PRELID2: variants seen among roughly 807,000 people sequenced by gnomAD.
The protein encoded by PRELID2 is PRELI domain-containing protein 2.
A neutral mutation model predicts 28.4 loss-of-function variants in PRELID2; 25 were observed. The observed-to-expected ratio is 0.88, with a 90% CI of 0.64 to 1.23. The LOEUF is 1.23. Ranked by LOEUF, PRELID2 falls within the 50% of genes most tolerant of loss-of-function variation. The probability of loss-of-function intolerance (pLI) is 0.00; values close to 1 mark genes in which losing one functional copy is unlikely to be tolerated. For synonymous variants in PRELID2, 76 were observed against 71.6 expected, an observed-to-expected ratio of 1.06 and a Z score of -0.31; for missense variants, 201 against 214.4, an observed-to-expected ratio of 0.94 and a Z score of 0.39.
At chr5:145,809,568 T>C (rs1292972905) in intron 4 of PRELID2, among the ~76,000 whole-genome samples, 1 of 152,238 alleles carries the variant, frequency 6.6e-6, no homozygotes, top group Non-Finnish European at 1.5e-5. Flanking sequence ...ATTACAGGCA[T>C]GAGCCACTGT....
chr5:145,616,343 T>C (rs1360328152), intron 1 of PRELID2, among the ~76,000 whole-genome samples: 1 of 152,200 alleles, frequency 6.6e-6, no homozygotes, highest in Non-Finnish European at 1.5e-5. Context: ...TTTTCCGAAC[T>C]TTTAGATTGC....
chr5:145,405,286 T>G, the PRELID2 span, among the ~76,000 whole-genome samples: 2 of 152,104 alleles, frequency 1.3e-5, no homozygotes, highest in African/African-American at 4.8e-5. Flanking sequence ...AACAGCACTG[T>G]TTTTTCACAC....
At chr5:145,443,020 G>A in the PRELID2 span, among the ~76,000 whole-genome samples, 36,065 of 151,782 alleles carry the variant, frequency 0.24, 4,399 homozygotes, top group South Asian at 0.36. Flanking sequence ...CCGTTTATAG[G>A]CTCTCCACAA....
chr5:145,781,658 C>T (rs1027823255), intron 5 of PRELID2, among the ~76,000 whole-genome samples: 13 of 140,832 alleles, frequency 9.2e-5, no homozygotes, highest in Non-Finnish European at 1.4e-4. Flanking sequence ...ACTATATATA[C>T]ACACTATATA....
At chr5:145,639,032 T>A (rs1402457140) in intron 1 of PRELID2, among the ~76,000 whole-genome samples, 2 of 152,220 alleles carry the variant, frequency 1.3e-5, no homozygotes, top group Non-Finnish European at 2.9e-5. Context: ...TAAGAGTATA[T>A]TCTTCAAGAT....
chr5:145,679,188 A>C (rs1431082055), intron 1 of PRELID2, among the ~76,000 whole-genome samples: 1 of 151,860 alleles, frequency 6.6e-6, no homozygotes, highest in Admixed American at 6.6e-5. Context: ...TTTGGTTCCC[A>C]GAACCATAAT....
chr5:145,558,789 T>G (rs1207430887), intron 1 of PRELID2, among the ~76,000 whole-genome samples: 1 of 152,176 alleles, frequency 6.6e-6, no homozygotes, highest in Non-Finnish European at 1.5e-5. Context: ...AATGAAAATA[T>G]GAAAAGCATT....
the PRELID2 span, among the ~76,000 whole-genome samples, chr5:145,315,298 G>C: frequency 6.6e-6 from 1 of 151,954 alleles, no homozygotes; most frequent in Non-Finnish European, 1.5e-5. Flanking sequence ...TCGATCTCTT[G>C]ACCTCGTGAT....
chr5:145,797,067 G>T (rs1435303741), intron 4 of PRELID2, among the ~76,000 whole-genome samples: 1 of 152,086 alleles, frequency 6.6e-6, no homozygotes, highest in African/African-American at 2.4e-5. Context: ...TGGAGAAGGG[G>T]TGAGACAGAA....
chr5:145,604,042 A>C (rs1753457533), intron 1 of PRELID2, among the ~76,000 whole-genome samples: 1 of 152,186 alleles, frequency 6.6e-6, no homozygotes, highest in African/African-American at 2.4e-5. Flanking sequence ...CTATATATAA[A>C]TATCTTTTTT....
At chr5:145,721,415 A>C (rs1029526411) in intron 1 of PRELID2, among the ~76,000 whole-genome samples, 1 of 152,188 alleles carries the variant, frequency 6.6e-6, no homozygotes, top group Non-Finnish European at 1.5e-5. Flanking sequence ...ACCAGCAGAC[A>C]AGGGAATTTT....
chr5:145,587,409 G>C (rs1753168232), intron 1 of PRELID2, among the ~76,000 whole-genome samples: 1 of 152,118 alleles, frequency 6.6e-6, no homozygotes, highest in African/African-American at 2.4e-5. Flanking sequence ...GCATTAGAAA[G>C]ATGCCGATGT....
At chr5:145,763,275 C>A (rs1024136412) in intron 6 of PRELID2, among the ~76,000 whole-genome samples, 8 of 152,096 alleles carry the variant, frequency 5.3e-5, no homozygotes, top group African/African-American at 1.9e-4. Flanking sequence ...ATATGCTAGC[C>A]GAGAAAACCA....
chr5:145,520,972 G>T (rs1043262669), intron 1 of PRELID2, among the ~76,000 whole-genome samples: 8 of 151,980 alleles, frequency 5.3e-5, no homozygotes, highest in African/African-American at 1.9e-4. Context: ...CATTTGACAG[G>T]CAAAAGAGTC....
intron 1 of PRELID2, among the ~76,000 whole-genome samples, chr5:145,555,061 A>C (rs1752868531): frequency 1.3e-5 from 2 of 152,210 alleles, no homozygotes; most frequent in African/African-American, 4.8e-5. Flanking sequence ...GAAAGAGATA[A>C]ATATTTGCCC....
the PRELID2 span, among the ~76,000 whole-genome samples, chr5:145,377,460 G>T: frequency 1.3e-5 from 2 of 151,308 alleles, no homozygotes; most frequent in Admixed American, 6.6e-5. Context: ...TACTGTCAGT[G>T]GGGAATTAAA....
At chr5:145,505,521 T>C (rs1200001895) in intron 1 of PRELID2, among the ~76,000 whole-genome samples, 1 of 152,208 alleles carries the variant, frequency 6.6e-6, no homozygotes, top group Non-Finnish European at 1.5e-5. Flanking sequence ...CTTGACAAAC[T>C]ATATTTTATT....
the PRELID2 span, among the ~76,000 whole-genome samples, chr5:145,238,265 T>C: frequency 6.6e-6 from 1 of 152,144 alleles, no homozygotes; most frequent in Admixed American, 6.5e-5. Context: ...CTTATCCATA[T>C]AAGGTAATTG....
At chr5:145,604,882 C>CATCTATATATATATATATATATATATAT in intron 1 of PRELID2, among the ~76,000 whole-genome samples, 1 of 116,168 alleles carries the variant, frequency 8.6e-6, no homozygotes, top group Non-Finnish European at 1.7e-5. Flanking sequence ...GCTTGTTGGC[C>CATCTATATATATATATATATATATATAT]ATATATATAT....
Sources: gnomAD v4.1 joint callset for allele counts (sites outside exome capture counted in the v4.1 genomes callset) on GRCh38, gnomAD v4.1.1 for gene constraint, MANE v1.5 for transcripts, NCBI Gene and HGNC (gene_info 2026-07-23, HGNC 2026-07-21) for gene names.